Variants in ATG10 observed in about 807,000 individuals in gnomAD.
ATG10 encodes ubiquitin-like-conjugating enzyme ATG10.
In ATG10, 30 loss-of-function variants were observed where a neutral mutation model predicts 32.1. The observed-to-expected ratio is 0.94, with a 90% confidence interval of 0.70 to 1.27. The LOEUF is 1.27. ATG10 is among the 50% of genes most tolerant of loss of function. The pLI is 0.00. For missense variants in ATG10, 233 were observed against 262.3 expected (o/e 0.89, Z 0.77); for synonymous variants, 87 against 91.5 (o/e 0.95, Z 0.28).
intron 5 of ATG10, among the ~76,000 whole-genome samples, chr5:82,185,409 T>G (rs1487290188): frequency 6.6e-6 from 1 of 152,206 alleles, no homozygotes; most frequent in Non-Finnish European, 1.5e-5. Context: ...TTTCCTCATT[T>G]CGTCCTACCA....
At chr5:82,242,498 A>C (rs1746844009) in intron 5 of ATG10, among the ~76,000 whole-genome samples, 1 of 152,144 alleles carries the variant, frequency 6.6e-6, no homozygotes, top group South Asian at 2.1e-4. Flanking sequence ...TTGAAAAGGC[A>C]CTGATATTTA....
intron 3 of ATG10, among the ~76,000 whole-genome samples, chr5:82,121,941 G>GTTTTTTTGTTTTTTTTTT (rs1766055418): frequency 8.3e-6 from 1 of 121,018 alleles, no homozygotes; most frequent in Non-Finnish European, 1.7e-5. Flanking sequence ...TTGGCCTGAA[G>GTTTTTTTGTTTTTTTTTT]TTTTTTTTTT....
chr5:82,222,241 G>A (rs1182962040), intron 5 of ATG10, among the ~76,000 whole-genome samples: 2 of 152,184 alleles, frequency 1.3e-5, no homozygotes, highest in Non-Finnish European at 2.9e-5. Flanking sequence ...ATAAAATAGT[G>A]ATTAAGAGCC....
intron 2 of ATG10, among the ~76,000 whole-genome samples, chr5:82,018,732 G>A (rs77327120): frequency 6.6e-6 from 1 of 152,074 alleles, no homozygotes; most frequent in South Asian, 2.1e-4. Flanking sequence ...GGTCCTTTGT[G>A]TGGTTGCTCA....
chr5:82,026,417 T>C (rs966575400), intron 2 of ATG10, among the ~76,000 whole-genome samples: 3 of 152,218 alleles, frequency 2.0e-5, no homozygotes, highest in Non-Finnish European at 4.4e-5. Flanking sequence ...TTTTAAAATT[T>C]TGTTTTTTAA....
At chr5:82,066,442 C>T (rs1763944093) in intron 3 of ATG10, among the ~76,000 whole-genome samples, 1 of 152,054 alleles carries the variant, frequency 6.6e-6, no homozygotes, top group Non-Finnish European at 1.5e-5. Context: ...CTTCAGATTA[C>T]ATTTTTAAAA....
intron 2 of ATG10, among the ~76,000 whole-genome samples, chr5:82,055,868 T>C (rs1027669255): frequency 5.3e-5 from 8 of 152,240 alleles, no homozygotes; most frequent in Non-Finnish European, 1.2e-4. Context: ...GATACACAAA[T>C]ACTTACAAAT....
At chr5:82,132,578 A>G (rs1480568778) in intron 3 of ATG10, among the ~76,000 whole-genome samples, 2 of 152,114 alleles carry the variant, frequency 1.3e-5, no homozygotes, top group Non-Finnish European at 2.9e-5. Context: ...TGCAATGGAC[A>G]TGAACTCATC....
Position 82,178,559 on chromosome 5 carries a change from A to G in ATG10, c.425A>G (p.Gln142Arg). ...GAGTGCTATAAGATGCGACTGCTACAGGGACCATGGGACACTATTACGCAA... is the reference window on the plus strand; with the variant it reads ...GAGTGCTATAAGATGCGACTGCTACGGGGACCATGGGACACTATTACGCAA... ...VHECYKMRLLQGPWDTITQQE... is the reference protein window; with the variant it reads ...VHECYKMRLLRGPWDTITQQE... The change falls in exon 5 of 8, where the codon CAG becomes CGG. Residue 142 changes from glutamine (Q) to arginine (R), a missense_variant. Gln to Arg is a conservative substitution (Grantham distance 43). Coordinates refer to ENST00000282185, the MANE Select transcript of ATG10 (RefSeq NM_031482.5). 1 of 1,611,766 alleles carries G rather than the reference A, an allele frequency of 6.2e-7. No individual in the cohort carries two copies. Among genetic ancestry groups the G allele is most frequent in the Non-Finnish European group, 8.5e-7 (1 of 1,178,084 alleles).
chr5:82,139,750 C>G (rs1213387312), intron 3 of ATG10, among the ~76,000 whole-genome samples: 3 of 112,148 alleles, frequency 2.7e-5, no homozygotes, highest in African/African-American at 6.9e-5. Flanking sequence ...CCGCCCCGTC[C>G]GGGAGGCGAG....
At chr5:82,005,528 C>T (rs375543041) in intron 2 of ATG10, among the ~76,000 whole-genome samples, 57 of 152,280 alleles carry the variant, frequency 3.7e-4, no homozygotes, top group South Asian at 2.5e-3. Context: ...CTCCTGACCT[C>T]GGGTGATCCG....
intron 3 of ATG10, among the ~76,000 whole-genome samples, chr5:82,108,011 A>C (rs1765493312): frequency 6.6e-6 from 1 of 151,964 alleles, no homozygotes; most frequent in African/African-American, 2.4e-5. Flanking sequence ...TGGTTGATAG[A>C]GGGGTTATGT....
chr5:82,178,562 G>T lies in ATG10; in HGVS notation c.428G>T (p.Gly143Val). 6.2e-7 allele frequency: 1 copy of T among 1,611,080 alleles called. No homozygotes were observed. The highest frequency in any genetic ancestry group is 1.3e-5 in the African/African-American group (1 of 74,880). Residue 143 changes from glycine to valine, a missense_variant, in exon 5 of 8, where the codon GGA becomes GTA. By Grantham distance (109) the Gly-to-Val change is moderately radical (BLOSUM62 -3). Coordinates refer to ENST00000282185, the MANE Select transcript of ATG10 (RefSeq NM_031482.5). ...TGCTATAAGATGCGACTGCTACAGG[G>T]ACCATGGGACACTATTACGCAACAG... The part of the protein sequence containing the change: ...HECYKMRLLQ[G>V]PWDTITQQEH...
At chr5:82,238,223 GTCT>G (rs2150015009) in intron 5 of ATG10, among the ~76,000 whole-genome samples, 1 of 152,248 alleles carries the variant, frequency 6.6e-6, no homozygotes, top group Non-Finnish European at 1.5e-5. Context: ...TCCCTACATG[GTCT>G]TCTCTGGAAG....
At chr5:82,067,967 C>A (rs1220976859) in intron 3 of ATG10, among the ~76,000 whole-genome samples, 2 of 152,078 alleles carry the variant, frequency 1.3e-5, no homozygotes, top group Admixed American at 1.3e-4. Context: ...TGTTTCTGTA[C>A]AAAAATCGGA....
intron 3 of ATG10, among the ~76,000 whole-genome samples, chr5:82,147,015 T>C (rs1040149703): frequency 6.6e-6 from 1 of 152,220 alleles, no homozygotes; most frequent in African/African-American, 2.4e-5. Flanking sequence ...GTGGCTGTTA[T>C]GTTCTGAAGG....
intron 3 of ATG10, among the ~76,000 whole-genome samples, chr5:82,129,770 G>A (rs375887009): frequency 2.6e-5 from 4 of 152,108 alleles, no homozygotes; most frequent in Non-Finnish European, 5.9e-5. Flanking sequence ...CCTTTATGAG[G>A]TGTCTGTCAA....
At position 82,001,112 on chromosome 5, in the gene ATG10, A is replaced by C. The variant is rs181001475; in HGVS notation, c.108+13434A>C. Among the ~76,000 whole-genome samples, 322 of 152,324 alleles carry C rather than the reference A, an allele frequency of 2.1e-3. 2 individuals carry two copies. Among genetic ancestry groups the C allele is most frequent in the African/African-American group, 7.4e-3 (307 of 41,572 alleles). ...AGCTCTACCATGAGAATTAGAAAAC[A>C]CTGTTCAAATAAATCAGAAATTACA... is the stretch of plus-strand genomic sequence containing the variant. On this transcript the variant is annotated intron_variant, in intron 2 of 7. Transcript: ENST00000282185.
At chr5:82,108,915 T>C (rs1014666155) in intron 3 of ATG10, among the ~76,000 whole-genome samples, 18 of 151,996 alleles carry the variant, frequency 1.2e-4, no homozygotes, top group African/African-American at 4.1e-4. Context: ...TAATTCCATT[T>C]TGGCATGTCA....
Sources: allele counts gnomAD v4.1 joint callset (sites outside exome capture counted in the v4.1 genomes callset), GRCh38; gene constraint gnomAD v4.1.1; transcripts MANE v1.5; gene names NCBI Gene and HGNC (gene_info 2026-07-23, HGNC 2026-07-21).